Variants in CCDC122 observed in about 807,000 individuals in gnomAD.
CCDC122 encodes coiled-coil domain containing 122.
A neutral mutation model predicts 37.0 loss-of-function variants in CCDC122; 38 were observed. The ratio of observed to expected loss-of-function variants is 1.03; its 90% CI spans 0.79 to 1.35. The LOEUF (loss-of-function observed/expected upper bound fraction) is 1.35. CCDC122 is among the 40% of genes most tolerant of loss of function. CCDC122 has a pLI of 0.00. For synonymous variants in CCDC122, 83 were observed against 95.6 expected, an observed-to-expected ratio of 0.87 and a Z score of 0.77; for missense variants, 305 against 310.0, an observed-to-expected ratio of 0.98 and a Z score of 0.12.
intron 3 of CCDC122, among the ~76,000 whole-genome samples, chr13:43,831,189 T>TA (rs950603821): frequency 6.6e-6 from 1 of 152,180 alleles, no homozygotes; most frequent in Non-Finnish European, 1.5e-5. Context: ...GGTTTCATTT[T>TA]AAAGAACGAC....
chr13:43,862,184 A>G (rs1470888226), intron 4 of CCDC122, among the ~76,000 whole-genome samples: 1 of 152,176 alleles, frequency 6.6e-6, no homozygotes, highest in Non-Finnish European at 1.5e-5. Context: ...CAAATTCCTG[A>G]AAGTGTTTTA....
chr13:43,841,725 TG>T (rs1375404996), intron 6 of CCDC122, among the ~76,000 whole-genome samples: 2 of 152,226 alleles, frequency 1.3e-5, no homozygotes, highest in African/African-American at 4.8e-5. Flanking sequence ...TTGTTGTTGT[TG>T]AAGTGGGGAG....
At chr13:43,826,209 CACTCT>C (rs1274121630) in intron 3 of CCDC122, among the ~76,000 whole-genome samples, 3 of 152,050 alleles carry the variant, frequency 2.0e-5, no homozygotes, top group Non-Finnish European at 2.9e-5. Context: ...TTTTTTTCTT[CACTCT>C]ACTCTAGTGC....
intron 6 of CCDC122, among the ~76,000 whole-genome samples, chr13:43,845,217 A>C (rs903110152): frequency 2.6e-5 from 4 of 152,224 alleles, no homozygotes; most frequent in African/African-American, 9.6e-5. Context: ...ATATCAGTAC[A>C]TGTAAAAATA....
At chr13:43,878,798 A>G (rs1408316310) in intron 1 of CCDC122, among the ~76,000 whole-genome samples, 1 of 152,220 alleles carries the variant, frequency 6.6e-6, no homozygotes, top group African/African-American at 2.4e-5. Flanking sequence ...CTAGTGGCAC[A>G]TATTTTAAAA....
At chr13:43,831,636 T>G (rs1953090943), downstream of CCDC122, among the ~76,000 whole-genome samples, 1 of 152,186 alleles carries the variant, frequency 6.6e-6, no homozygotes, top group Admixed American at 6.5e-5. Context: ...CTAAACTACT[T>G]TGTGCTATGT....
At chr13:43,861,267 T>C (rs74063922) in intron 4 of CCDC122, among the ~76,000 whole-genome samples, 5,385 of 152,240 alleles carry the variant, frequency 0.035, 302 homozygotes, top group African/African-American at 0.12. Flanking sequence ...TTTTAAAGCT[T>C]TTGTTTCAGT....
chr13:43,835,743 G>A (rs1314845045), downstream of CCDC122, among the ~76,000 whole-genome samples: 2 of 152,050 alleles, frequency 1.3e-5, no homozygotes, highest in African/African-American at 4.8e-5. Context: ...TTTTATAAGC[G>A]ATAACTACAC....
downstream of CCDC122, among the ~76,000 whole-genome samples, chr13:43,833,789 G>A: frequency 6.6e-6 from 1 of 152,146 alleles, no homozygotes; most frequent in African/African-American, 2.4e-5. Context: ...AGTCCACCAG[G>A]TACTTAGAAC....
intron 4 of CCDC122, among the ~76,000 whole-genome samples, chr13:43,868,074 A>G (rs1364747750): frequency 6.6e-6 from 1 of 152,162 alleles, no homozygotes; most frequent in Non-Finnish European, 1.5e-5. Flanking sequence ...AACAAAAAGT[A>G]GTAAATTTGG....
chr13:43,833,820 C>T (rs141320069), downstream of CCDC122, among the ~76,000 whole-genome samples: 783 of 152,018 alleles, frequency 5.2e-3, 4 homozygotes, highest in African/African-American at 0.016. Context: ...AGAAAAAAAA[C>T]GAAGAAGAGG....
In CCDC122 at chr13:43,870,741, AT is replaced by A. The variant is rs555031335; in HGVS notation, c.-113-1253del. 3.1e-4 allele frequency among the ~76,000 whole-genome samples: 47 copies of A among 152,272 alleles called. No homozygotes were observed. The East Asian group carries it at 9.1e-3, about 29-fold the overall frequency. On this transcript the variant is annotated intron_variant, in intron 2 of 6. Transcript: ENST00000444614. ...AAAGTACAGGGAGGTACACAAATGG[AT>A]ATAAGAATTTACCCAAAGAGAGCCA...
chr13:43,819,296 A>ATGTG (rs1952979158), downstream of CCDC122, among the ~76,000 whole-genome samples: 1 of 152,194 alleles, frequency 6.6e-6, no homozygotes, highest in South Asian at 2.1e-4. Flanking sequence ...TAGCAAAATT[A>ATGTG]TGTGTGTATG....
downstream of CCDC122, among the ~76,000 whole-genome samples, chr13:43,832,425 T>C (rs1953098438): frequency 6.6e-6 from 1 of 152,156 alleles, no homozygotes; most frequent in Non-Finnish European, 1.5e-5. Context: ...AAACAGTGAA[T>C]TCCATGTTCA....
intron 6 of CCDC122, chr13:43,854,298 C>G (rs1459985266): frequency 6.6e-6 from 1 of 152,072 alleles, no homozygotes; most frequent in Non-Finnish European, 1.5e-5. Context: ...GAGGATATCA[C>G]CACTGACCCC....
Position 43,858,875 on chromosome 13 carries a change from T to C in CCDC122, c.578A>G (p.Asp193Gly). 1 of 1,404,650 alleles carries C rather than the reference T, an allele frequency of 7.1e-7. No homozygotes were observed. The highest frequency in any genetic ancestry group is 2.5e-5 in the Admixed American group (1 of 40,052). 87.0% of individuals were successfully genotyped at this position (1,404,650 alleles called of 1,614,324 possible). A position where few individuals can be genotyped will look rare whatever the true frequency, so the allele number is the denominator to read the frequency against. ...AGATTCTTTTACAGTTATAATTTTA[T>C]CCTTTAAGTTTGTAATGTCTTCCTG... is the stretch of plus-strand genomic sequence containing the variant. ...QVQEDITNLK[D>G]KIITVKESII... Residue 193 changes from aspartate (D) to glycine (G), a missense_variant, in exon 6 of 7, where the codon GAT becomes GGT. Asp to Gly is a moderately conservative substitution (Grantham distance 94, BLOSUM62 -1). Transcript: ENST00000444614.
intron 4 of CCDC122, among the ~76,000 whole-genome samples, chr13:43,867,651 A>G (rs1478858577): frequency 1.3e-5 from 2 of 152,160 alleles, no homozygotes; most frequent in Non-Finnish European, 2.9e-5. Flanking sequence ...GACAATGTTC[A>G]GCAAAATGCT....
intron 6 of CCDC122, among the ~76,000 whole-genome samples, chr13:43,843,754 C>T (rs186495569): frequency 1.9e-4 from 29 of 151,796 alleles, no homozygotes; most frequent in African/African-American, 6.8e-4. Context: ...TACCTCACAC[C>T]ATTCATAAAG....
At chr13:43,828,524 A>G (rs898840563) in intron 3 of CCDC122, among the ~76,000 whole-genome samples, 3 of 150,794 alleles carry the variant, frequency 2.0e-5, no homozygotes, top group South Asian at 4.2e-4. Flanking sequence ...AGGATGTTTT[A>G]CATCATATTT....
Sources: allele counts gnomAD v4.1 joint callset (sites outside exome capture counted in the v4.1 genomes callset), GRCh38; gene constraint gnomAD v4.1.1; transcripts MANE v1.5; gene names NCBI Gene and HGNC (gene_info 2026-07-23, HGNC 2026-07-21).